PARD3B: variants seen among roughly 807,000 people sequenced by gnomAD.
PARD3B encodes par-3 family cell polarity regulator beta.
PARD3B carries 103 observed loss-of-function variants against 130.2 expected under a neutral mutation model. That is an observed-to-expected ratio of 0.79 (90% CI 0.67 to 0.93). The LOEUF (loss-of-function observed/expected upper bound fraction) is 0.93, where lower values mean the gene tolerates loss of function less well. Ranked by LOEUF, PARD3B falls within the 40% of genes least tolerant of loss-of-function variation. The probability of loss-of-function intolerance (pLI) is 0.00; values close to 1 mark genes in which losing one functional copy is unlikely to be tolerated. For missense variants in PARD3B, 1,609 were observed against 1,499.2 expected, an observed-to-expected ratio of 1.07 and a Z score of -1.21; for synonymous variants, 583 against 553.2, an observed-to-expected ratio of 1.05 and a Z score of -0.76.
In PARD3B at chr2:204,965,132, G is replaced by T; in HGVS notation, c.223-20G>T. ...ATGCATGTCCTACAAAGTAATTAGT[G>T]TTGTTGGATTTGTTTGTAGCTGATT... On this transcript the variant is annotated intron_variant, in intron 2 of 22. Transcript: ENST00000406610. 6.2e-7 allele frequency: 1 copy of T among 1,610,054 alleles called. No individual in the cohort carries two copies. Among genetic ancestry groups the T allele is most frequent in the South Asian group, 1.1e-5 (1 of 90,800 alleles).
intron 1 of PARD3B, among the ~76,000 whole-genome samples, chr2:204,621,174 A>G (rs1229059619): frequency 1.3e-5 from 2 of 152,212 alleles, no homozygotes; most frequent in African/African-American, 4.8e-5. Flanking sequence ...TTACCATCTC[A>G]TGGATAATTC....
At chr2:205,024,149 AT>A (rs1696839079) in intron 3 of PARD3B, among the ~76,000 whole-genome samples, 2 of 133,000 alleles carry the variant, frequency 1.5e-5, no homozygotes, top group Admixed American at 7.8e-5. Flanking sequence ...CCTCACCATC[AT>A]TTTCTTTCTT....
At chr2:204,952,272 A>G (rs1437537123) in intron 2 of PARD3B, among the ~76,000 whole-genome samples, 2 of 152,194 alleles carry the variant, frequency 1.3e-5, no homozygotes, top group Non-Finnish European at 2.9e-5. Flanking sequence ...GCTTTTATCC[A>G]TCTGTATTTG....
chr2:205,178,239 A>G (rs1212564976), intron 13 of PARD3B, among the ~76,000 whole-genome samples: 5 of 150,696 alleles, frequency 3.3e-5, no homozygotes, highest in African/African-American at 1.2e-4. Context: ...GAAAAAAAAA[A>G]GAAGAAGCTG....
chr2:205,404,158 G>A (rs887911050), intron 19 of PARD3B, among the ~76,000 whole-genome samples: 6 of 151,950 alleles, frequency 3.9e-5, no homozygotes, highest in East Asian at 1.9e-4. Context: ...CCATATCCAC[G>A]TCTTCCACAT....
intron 2 of PARD3B, among the ~76,000 whole-genome samples, chr2:204,729,962 CT>C (rs1403477828): frequency 6.7e-6 from 1 of 149,402 alleles, no homozygotes; most frequent in Non-Finnish European, 1.5e-5. Flanking sequence ...AAGCATTATT[CT>C]TTCTACTTTC....
chr2:205,200,956 C>A (rs180811578), intron 15 of PARD3B, among the ~76,000 whole-genome samples: 5 of 152,178 alleles, frequency 3.3e-5, no homozygotes, highest in African/African-American at 1.2e-4. Flanking sequence ...ACACGGCCAT[C>A]CCCAGAGCTA....
At chr2:204,644,101 C>A (rs1315564199) in intron 1 of PARD3B, among the ~76,000 whole-genome samples, 2 of 152,194 alleles carry the variant, frequency 1.3e-5, no homozygotes, top group Non-Finnish European at 2.9e-5. Context: ...ATTGGTAACA[C>A]ATCTCATCCC....
intron 15 of PARD3B, among the ~76,000 whole-genome samples, chr2:205,243,317 T>G (rs2039437249): frequency 6.6e-6 from 1 of 152,254 alleles, no homozygotes. Flanking sequence ...GTACTTATTC[T>G]GTTGTCTTCT....
chr2:205,018,377 C>G (rs1024329212), intron 3 of PARD3B, among the ~76,000 whole-genome samples: 2 of 151,954 alleles, frequency 1.3e-5, no homozygotes, highest in Non-Finnish European at 2.9e-5. Flanking sequence ...ATCATGAAAT[C>G]TGGGAAGAAG....
intron 3 of PARD3B, among the ~76,000 whole-genome samples, chr2:205,037,634 T>C (rs1052281318): frequency 5.4e-5 from 8 of 148,086 alleles, no homozygotes; most frequent in African/African-American, 2.0e-4. Flanking sequence ...GTCGACTGTA[T>C]AAAATATGTA....
At chr2:204,547,939 C>G (rs2030117199) in intron 1 of PARD3B, among the ~76,000 whole-genome samples, 1 of 152,126 alleles carries the variant, frequency 6.6e-6, no homozygotes, top group South Asian at 2.1e-4. Flanking sequence ...CTATTATTAC[C>G]AGACTTATAT....
At chr2:204,946,279 T>C (rs754389675) in intron 2 of PARD3B, among the ~76,000 whole-genome samples, 1 of 152,358 alleles carries the variant, frequency 6.6e-6, no homozygotes, top group South Asian at 2.1e-4. Context: ...GCTGTAGGAA[T>C]TGAAGTACTT....
At chr2:205,077,297 T>G (rs1023390470) in intron 4 of PARD3B, among the ~76,000 whole-genome samples, 1 of 152,184 alleles carries the variant, frequency 6.6e-6, no homozygotes, top group Non-Finnish European at 1.5e-5. Flanking sequence ...TGCTTGGTTT[T>G]GTTTTGCTTT....
intron 2 of PARD3B, among the ~76,000 whole-genome samples, chr2:204,883,471 CAG>C (rs2046151408): frequency 1.3e-5 from 1 of 77,588 alleles, no homozygotes; most frequent in African/African-American, 5.5e-5. Flanking sequence ...TTTTTTGAGA[CAG>C]AGTCTCACTC....
intron 1 of PARD3B, among the ~76,000 whole-genome samples, chr2:204,581,780 T>C (rs911800280): frequency 3.3e-5 from 5 of 152,152 alleles, no homozygotes; most frequent in African/African-American, 9.7e-5. Context: ...GCTAGTAAGG[T>C]GGAGACTAAA....
intron 2 of PARD3B, among the ~76,000 whole-genome samples, chr2:204,750,953 C>T (rs1187874723): frequency 6.6e-6 from 1 of 152,138 alleles, no homozygotes; most frequent in Non-Finnish European, 1.5e-5. Context: ...ACACTCAGTA[C>T]ATTGACACAG....
rs1307319478 is a variant in PARD3B at position 205,125,361 on chromosome 2, C to T, written c.1306-248C>T. On this transcript the variant is annotated intron_variant, in intron 9 of 22. Transcript: ENST00000406610. The surrounding 1 kb of genome is among the most constrained non-coding windows in gnomAD (Gnocchi z 4.0). ...TTTCTGGTATCTGTCAGTCCAGTTT[C>T]CCCCACATAAGAATGTGATGTCTTA... Among the ~76,000 whole-genome samples, 1 of 152,072 alleles carries T rather than the reference C, an allele frequency of 6.6e-6. No homozygotes were observed. Among genetic ancestry groups the T allele is most frequent in the Non-Finnish European group, 1.5e-5 (1 of 68,006 alleles).
At chr2:205,588,844 G>T (rs1375862965) in intron 22 of PARD3B, among the ~76,000 whole-genome samples, 2 of 152,210 alleles carry the variant, frequency 1.3e-5, no homozygotes, top group African/African-American at 4.8e-5. Context: ...GGCCCTTGCT[G>T]TTCCCTGGCA....
Sources: gnomAD v4.1 joint callset for allele counts (sites outside exome capture counted in the v4.1 genomes callset) on GRCh38, gnomAD v4.1.1 for gene constraint, Gnocchi (gnomAD v3.1) non-coding constraint, MANE v1.5 for transcripts, NCBI Gene and HGNC (gene_info 2026-07-23, HGNC 2026-07-21) for gene names.